The following PABIR2 variants were observed in gnomAD, a reference collection of about 807,000 sequenced individuals.
The protein encoded by PABIR2 is family with sequence similarity 122B.
A neutral mutation model predicts 22.8 loss-of-function variants in PABIR2; 7 were observed. The observed-to-expected ratio is 0.31, with a 90% CI of 0.17 to 0.58. The LOEUF is 0.58. Among genes scored for constraint, PABIR2 ranks in the 20% least tolerant of loss-of-function variants. The pLI is 0.89. For synonymous variants in PABIR2, 67 were observed against 73.8 expected (o/e 0.91, Z 0.47); for missense variants, 155 against 205.1 (o/e 0.76, Z 1.49).
chrX:134,791,897 T>G (rs1603064466), intron 2 of PABIR2, among the ~76,000 whole-genome samples: 1 of 111,694 alleles, frequency 9.0e-6, no homozygotes, highest in East Asian at 2.8e-4. Context: ...CAATCTCTAC[T>G]CCTACTAAAG....
At chrX:134,786,309 G>A (rs775184913) in intron 7 of PABIR2, among the ~76,000 whole-genome samples, 1 of 111,099 alleles carries the variant, frequency 9.0e-6, no homozygotes, top group South Asian at 3.8e-4. Flanking sequence ...CTGAGGTCAG[G>A]AGTTCGAGAC....
At chrX:134,791,888 A>C (rs375982208) in intron 2 of PABIR2, among the ~76,000 whole-genome samples, 2 of 111,687 alleles carry the variant, frequency 1.8e-5, no homozygotes. Flanking sequence ...TCAAACTACC[A>C]ATCTCTACTC....
Position 134,772,185 on chromosome X carries a change from T to G in PABIR2, c.758A>C (p.Asn253Thr). The G allele has an allele frequency of 1.7e-6, 2 of 1,205,965 alleles. No homozygotes were observed. ...ATAESPVACS[N>T]SCSSFILMDD... ...CATCAAGATGAACGAAGAGCATGAA[T>G]TGGAGCATGCTACTGGAGACTCTGC... Residue 253 changes from asparagine (N) to threonine (T), a missense_variant, in exon 10 of 10, where the codon AAT (asparagine) becomes ACT (threonine). Physicochemically the swap from Asn to Thr is moderately conservative, Grantham distance 65 (BLOSUM62 0). Coordinates refer to ENST00000343004, the MANE Select transcript of PABIR2 (RefSeq NM_001387468.1).
intron 1 of PABIR2, among the ~76,000 whole-genome samples, chrX:134,795,529 T>C (rs1310880240): frequency 8.9e-6 from 1 of 111,755 alleles, no homozygotes; most frequent in African/African-American, 3.3e-5. Flanking sequence ...TTCTAAAACC[T>C]GCCTTTTCAC....
intron 2 of PABIR2, among the ~76,000 whole-genome samples, chrX:134,791,140 AAAG>A (rs2079536255): frequency 9.0e-6 from 1 of 111,176 alleles, no homozygotes; most frequent in Non-Finnish European, 1.9e-5. Flanking sequence ...AGAAGACCAG[AAAG>A]AAGAACAGAG....
chrX:134,774,779 A>G (rs1319417731), intron 9 of PABIR2, among the ~76,000 whole-genome samples: 1 of 112,463 alleles, frequency 8.9e-6, no homozygotes, highest in Non-Finnish European at 1.9e-5. Context: ...AGAACTTGGT[A>G]AATCTTTAAC....
At chrX:134,781,492 G>A (rs2079155698) in intron 9 of PABIR2, among the ~76,000 whole-genome samples, 2 of 111,795 alleles carry the variant, frequency 1.8e-5, no homozygotes, top group African/African-American at 6.5e-5. Context: ...TAGTTACCAA[G>A]TCACCATGTT....
At chrX:134,786,953 T>C (rs1277794367) in intron 7 of PABIR2, among the ~76,000 whole-genome samples, 1 of 109,008 alleles carries the variant, frequency 9.2e-6, no homozygotes, top group Non-Finnish European at 1.9e-5. Context: ...CCACCTCAAA[T>C]ACAAAAAAAA....
chrX:134,774,488 G>A (rs998012734), intron 9 of PABIR2, among the ~76,000 whole-genome samples: 1 of 111,003 alleles, frequency 9.0e-6, no homozygotes, highest in African/African-American at 3.3e-5. Flanking sequence ...CAGACTTACG[G>A]TGAGCCCTGG....
intron 6 of PABIR2, 77 bp from the exon 7 acceptor site, chrX:134,787,610 C>CTTTTTT (rs1179720154): frequency 2.4e-4 from 70 of 292,374 alleles, no homozygotes; most frequent in African/African-American, 1.6e-3. Context: ...AGTTTTCTTT[C>CTTTTTT]TTTTTTTTTT....
chrX:134,773,590 G>C (rs761985625), intron 9 of PABIR2, among the ~76,000 whole-genome samples: 366 of 111,790 alleles, frequency 3.3e-3, no homozygotes, highest in African/African-American at 0.011. Context: ...AGATTTGGGA[G>C]GAAGCAAGGG....
rs762219740 is a variant in PABIR2, at chrX:134,793,825, C to T, written c.167G>A (p.Arg56His). Residue 56 changes from arginine to histidine, a missense_variant, in exon 2 of 10, where the codon CGT becomes CAT. Transcript: ENST00000343004. ...TRRNSTTIMS[R>H]HSLLLSSSPN... ...TACTTCTATACTTACCAGGCTGTGA[C>T]GGCTCATAATTGTTGTACTATTCCT... 8.3e-6 allele frequency: 10 copies of T among 1,208,730 alleles called. No homozygotes were observed. The Admixed American group carries it at 8.7e-5, about 11-fold the overall frequency.
rs1248652667 is a variant in PABIR2 at position 134,787,439 on chromosome X, C to T, written c.497+33G>A. 2.5e-6 allele frequency: 3 copies of T among 1,192,384 alleles called. No homozygotes were observed. In the South Asian group the frequency reaches 5.3e-5, roughly 21 times the overall value. On this transcript the variant is annotated intron_variant, in intron 7 of 9. Transcript: ENST00000343004. ...TGAGAGATAAATGTAATGAATGGTA[C>T]TTCAACCACATTTAAAATTCAAGTT...
rs1451191295 is a variant in PABIR2 at position 134,781,715 on chromosome X, A to G, written c.659+106T>C. The G allele has an allele frequency of 1.2e-4, 59 of 491,304 alleles. 1 individual carries two copies. The East Asian group carries it at 2.7e-3, about 22-fold the overall frequency. The allele number at this position is 491,304 out of a possible 1,213,427, so 40.5% of individuals were successfully genotyped here. ...AATGATATAAAAAATAAATATTAAC[A>G]AAATTCAAAAAAAAATATTTTAAAT... On this transcript the variant is annotated intron_variant, in intron 9 of 9. Transcript: ENST00000343004.
At chrX:134,778,762 T>C (rs1175218270) in intron 9 of PABIR2, among the ~76,000 whole-genome samples, 8 of 111,324 alleles carry the variant, frequency 7.2e-5, no homozygotes. Flanking sequence ...ACTTGGCTTG[T>C]TGACACTCTA....
At chrX:134,795,495 G>A (rs1490836334) in intron 1 of PABIR2, among the ~76,000 whole-genome samples, 1 of 111,395 alleles carries the variant, frequency 9.0e-6, no homozygotes, top group Non-Finnish European at 1.9e-5. Context: ...CACTGAAATT[G>A]AAGAGTCGAT....
rs369870662 is a variant in PABIR2, at chrX:134,794,545, C to T, written c.99-652G>A. Among the ~76,000 whole-genome samples the T allele has an allele frequency of 5.4e-5, 6 of 111,815 alleles. No homozygotes were observed. The East Asian group carries it at 1.1e-3, about 21-fold the overall frequency. ...CTTCAATCCACAAACGGAATGCAATCACTCTCTCCTTTGAACCCAAAGAGT... is the reference window on the plus strand; with the variant it reads ...CTTCAATCCACAAACGGAATGCAATTACTCTCTCCTTTGAACCCAAAGAGT... On this transcript the variant is annotated intron_variant, in intron 1 of 9. Coordinates refer to ENST00000343004, the MANE Select transcript of PABIR2 (RefSeq NM_001387468.1).
In PABIR2 at chrX:134,781,709, ATT is replaced by A. The variant is rs759532895; in HGVS notation, c.659+110_659+111del. The A allele has an allele frequency of 1.8e-3, 788 of 426,556 alleles. 11 individuals are homozygous for A. In the East Asian group the frequency reaches 0.032, roughly 17 times the overall value. 35.2% of individuals were successfully genotyped at this position (426,556 alleles called of 1,213,427 possible). A position where few individuals can be genotyped will look rare whatever the true frequency, so the allele number is the denominator to read the frequency against. ...CAAAATAATGATATAAAAAATAAATATTAACAAAATTCAAAAAAAAATATTTT... is the reference window on the plus strand; with the variant it reads ...CAAAATAATGATATAAAAAATAAATAAACAAAATTCAAAAAAAAATATTTT... On this transcript the variant is annotated intron_variant, in intron 9 of 9. Transcript: ENST00000343004.
At chrX:134,783,543 T>C (rs1162955814) in intron 8 of PABIR2, among the ~76,000 whole-genome samples, 4 of 110,547 alleles carry the variant, frequency 3.6e-5, no homozygotes, top group Non-Finnish European at 7.6e-5. Context: ...CTGGCCAACA[T>C]GACAAAACCC....
Sources: gnomAD v4.1 joint callset for allele counts (sites outside exome capture counted in the v4.1 genomes callset) on GRCh38, gnomAD v4.1.1 for gene constraint, MANE v1.5 for transcripts, NCBI Gene and HGNC (gene_info 2026-07-23, HGNC 2026-07-21) for gene names.